The following TEK variants were observed in gnomAD, a reference collection of about 807,000 sequenced individuals.
TEK encodes TEK receptor tyrosine kinase.
In TEK, 43 loss-of-function variants were observed where a neutral mutation model predicts 131.8. That is an observed-to-expected ratio of 0.33 (90% CI 0.26 to 0.42). The LOEUF (loss-of-function observed/expected upper bound fraction) is 0.42, where lower values mean the gene tolerates loss of function less well. Ranked by LOEUF, TEK falls within the 10% of genes least tolerant of loss-of-function variation. The pLI is 1.00. For missense variants in TEK, 1,162 were observed against 1,384.4 expected, an observed-to-expected ratio of 0.84 and a Z score of 2.55; for synonymous variants, 580 against 491.6, an observed-to-expected ratio of 1.18 and a Z score of -2.38.
chr9:27,224,927 G>C (rs957909865), intron 21 of TEK, among the ~76,000 whole-genome samples: 2 of 152,062 alleles, frequency 1.3e-5, no homozygotes, highest in Admixed American at 1.3e-4. Context: ...TACAAAATCA[G>C]TGTGCAAAAA....
At chr9:27,224,281 A>C (rs1251358147) in intron 21 of TEK, among the ~76,000 whole-genome samples, 1 of 152,184 alleles carries the variant, frequency 6.6e-6, no homozygotes, top group Non-Finnish European at 1.5e-5. Flanking sequence ...TCATCCTGTT[A>C]CCCAAACCTG....
chr9:27,220,934 A>G (rs1354778495), intron 21 of TEK, among the ~76,000 whole-genome samples: 1 of 152,134 alleles, frequency 6.6e-6, no homozygotes, highest in East Asian at 1.9e-4. Context: ...AGTAAGAACT[A>G]TTCACTCCCC....
chr9:27,128,300 T>C (rs1290438197), intron 1 of TEK, among the ~76,000 whole-genome samples: 1 of 152,172 alleles, frequency 6.6e-6, no homozygotes, highest in Non-Finnish European at 1.5e-5. Flanking sequence ...TGTGTGGTGT[T>C]ATTTCTGAGG....
In TEK at chr9:27,202,781, G is replaced by T. The variant is rs760693608; in HGVS notation, c.1910-39G>T. The stretch of plus-strand genomic sequence containing the variant: ...AAGCATAATGATCTAGGCCATGGTA[G>T]TATATCTTAAGTGAATCTTTTTTCT... On this transcript the variant is annotated intron_variant, in intron 12 of 22. Coordinates refer to ENST00000380036, the MANE Select transcript of TEK (RefSeq NM_000459.5). The T allele has an allele frequency of 2.5e-6, 4 of 1,594,234 alleles. No individual in the cohort carries two copies. In the African/African-American group the frequency reaches 4.0e-5, roughly 16 times the overall value.
At chr9:27,224,952 A>G (rs890142927) in intron 21 of TEK, among the ~76,000 whole-genome samples, 15 of 152,226 alleles carry the variant, frequency 9.9e-5, no homozygotes, top group African/African-American at 3.6e-4. Context: ...AAGCATTCCT[A>G]TACACCAATA....
At chr9:27,137,633 C>G (rs62544597) in intron 1 of TEK, among the ~76,000 whole-genome samples, 78,166 of 151,570 alleles carry the variant, frequency 0.52, 21,087 homozygotes, top group African/African-American at 0.56. Flanking sequence ...TTTAAACTTA[C>G]CTGAAAATTG....
chr9:27,110,067 T>G (rs1294092970), intron 1 of TEK, among the ~76,000 whole-genome samples: 2 of 152,028 alleles, frequency 1.3e-5, no homozygotes, highest in African/African-American at 2.4e-5. Flanking sequence ...GGGGCCCAAT[T>G]AAGGCAGTGT....
At chr9:27,137,950 G>A (rs1822552645) in intron 1 of TEK, among the ~76,000 whole-genome samples, 2 of 152,154 alleles carry the variant, frequency 1.3e-5, no homozygotes, top group South Asian at 2.1e-4. Flanking sequence ...TCCTTCAGAT[G>A]TGTCTGGAGT....
intron 9 of TEK, 30 bp downstream of exon 9, chr9:27,185,659 T>G: frequency 6.2e-7 from 1 of 1,613,052 alleles, no homozygotes; most frequent in South Asian, 1.1e-5. Context: ...AAAGGGATTG[T>G]GTCCTTGATG....
intron 16 of TEK, 102 bp downstream of exon 16, chr9:27,209,333 T>G: frequency 1.1e-6 from 1 of 898,272 alleles, no homozygotes; most frequent in Non-Finnish European, 1.8e-6. Context: ...TGTTGCCTAT[T>G]TTTTTTAAAG....
intron 20 of TEK, 33 bp downstream of exon 20, chr9:27,218,850 T>A: frequency 1.9e-6 from 3 of 1,609,592 alleles, no homozygotes; most frequent in Non-Finnish European, 1.7e-6. Flanking sequence ...CAGGTGAGAC[T>A]CTAGGCAAAG....
chr9:27,195,637 T>G (rs1041816173), intron 11 of TEK: 1 of 455,752 alleles, frequency 2.2e-6, no homozygotes, highest in Non-Finnish European at 4.4e-6. Context: ...AATTTACTAT[T>G]ATTAACTGAA....
At position 27,202,965 on chromosome 9, in the gene TEK, T is replaced by C. The variant is rs567816284; in HGVS notation, c.2055T>C (p.Val685=). 3 of 1,614,092 alleles carry C rather than the reference T, an allele frequency of 1.9e-6. No homozygotes were observed. The highest frequency in any genetic ancestry group is 4.5e-5 in the East Asian group (2 of 44,866). The change falls in exon 13 of 23, where the codon GTT becomes GTC. Residue 685 remains valine, a synonymous_variant. Coordinates refer to ENST00000380036, the MANE Select transcript of TEK (RefSeq NM_000459.5). ...KVQGKNEDQH[V]DVKIKNATIT... is the part of the protein sequence containing the mutation. ...AAGGCAAGAATGAAGACCAGCACGT[T>C]GATGTGAAGATAAAGAATGCCACCA...
intron 20 of TEK, among the ~76,000 whole-genome samples, chr9:27,219,814 A>C (rs986487213): frequency 1.9e-5 from 2 of 105,720 alleles, no homozygotes; most frequent in Non-Finnish European, 2.1e-5. Flanking sequence ...TAGAACAGGC[A>C]CTAAGGAAGC....
At chr9:27,141,369 C>T (rs1213471750) in intron 1 of TEK, among the ~76,000 whole-genome samples, 3 of 152,088 alleles carry the variant, frequency 2.0e-5, no homozygotes, top group Non-Finnish European at 4.4e-5. Flanking sequence ...CTGTACTTCT[C>T]TATTTCTAGT....
In TEK at chr9:27,109,524, G is replaced by GTT; in HGVS notation, c.-63_-62dup. ...CTAATGGAAAGTCACAAACCGCTGGGTTTTTGAAAGGATCCTTGGGACCTC... is the reference window on the plus strand; with the variant it reads ...CTAATGGAAAGTCACAAACCGCTGGGTTTTTTTGAAAGGATCCTTGGGACCTC... On this transcript the variant is annotated 5_prime_UTR_variant, in exon 1 of 23. It removes the in-frame stop codon of an upstream open reading frame in the 5' UTR. Coordinates refer to ENST00000380036, the MANE Select transcript of TEK (RefSeq NM_000459.5). 6.4e-7 allele frequency: 1 copy of GTT among 1,573,718 alleles called. No individual in the cohort carries two copies. Among genetic ancestry groups the GTT allele is most frequent in the Middle Eastern group, 1.7e-4 (1 of 5,984 alleles).
chr9:27,145,472 T>C (rs1162537582), intron 1 of TEK, among the ~76,000 whole-genome samples: 2 of 152,216 alleles, frequency 1.3e-5, no homozygotes, highest in African/African-American at 2.4e-5. Context: ...CAGGCCATAA[T>C]TTCACACAGA....
At chr9:27,185,803 A>C (rs1489944665) in intron 9 of TEK, among the ~76,000 whole-genome samples, 174 bp downstream of exon 9, 2 of 152,218 alleles carry the variant, frequency 1.3e-5, no homozygotes, top group African/African-American at 4.8e-5. Flanking sequence ...TAAGAGTATG[A>C]ACTGTGGAGT....
intron 1 of TEK, among the ~76,000 whole-genome samples, chr9:27,154,564 CTTT>C (rs1213785650): frequency 6.6e-6 from 1 of 152,206 alleles, no homozygotes; most frequent in Non-Finnish European, 1.5e-5. Flanking sequence ...CGTTGTTCTT[CTTT>C]TTATGTGTCA....
Sources: gnomAD v4.1 joint callset for allele counts (sites outside exome capture counted in the v4.1 genomes callset) on GRCh38, gnomAD v4.1.1 for gene constraint, MANE v1.5 for transcripts, NCBI Gene and HGNC (gene_info 2026-07-23, HGNC 2026-07-21) for gene names.